Variants in CIMIP4 observed in about 807,000 individuals in gnomAD.
The protein encoded by CIMIP4 is ciliary microtubule inner protein 4.
At chr22:36,991,530 T>C in the CIMIP4 span, 4 of 1,614,192 alleles carry the variant, frequency 2.5e-6, no homozygotes, top group Non-Finnish European at 2.5e-6. Context: ...CCCTCACTGA[T>C]TTCTCAATGA....
the CIMIP4 span, among the ~76,000 whole-genome samples, chr22:37,000,516 G>C: frequency 6.6e-6 from 1 of 152,162 alleles, no homozygotes; most frequent in African/African-American, 2.4e-5. Context: ...AGGACACCTA[G>C]GTTTGAGTTC....
At chr22:37,003,982 C>T in the CIMIP4 span, 2 of 1,550,074 alleles carry the variant, frequency 1.3e-6, no homozygotes, top group Non-Finnish European at 1.7e-6. Flanking sequence ...CGTGGCCCAG[C>T]TCCATAGCCT....
chr22:37,005,101 A>G, the CIMIP4 span, among the ~76,000 whole-genome samples: 1 of 152,148 alleles, frequency 6.6e-6, no homozygotes, highest in African/African-American at 2.4e-5. Flanking sequence ...GGAGCAAGAA[A>G]CTGAGGGTGA....
chr22:36,997,445 C>A, the CIMIP4 span, among the ~76,000 whole-genome samples: 7 of 152,194 alleles, frequency 4.6e-5, no homozygotes, highest in Admixed American at 2.6e-4. Context: ...TTAGCATATT[C>A]TTTTCTCTCT....
At chr22:37,002,100 G>A in the CIMIP4 span, 1 of 1,573,790 alleles carries the variant, frequency 6.4e-7, no homozygotes. Context: ...GCAGCAGTCG[G>A]GGGTGGAGGG....
chr22:36,991,958 G>A, the CIMIP4 span, among the ~76,000 whole-genome samples: 2 of 152,142 alleles, frequency 1.3e-5, no homozygotes, highest in African/African-American at 2.4e-5. Flanking sequence ...ACATGCACAA[G>A]CAGATACGTT....
the CIMIP4 span, chr22:37,002,312 G>C: frequency 8.3e-7 from 1 of 1,211,410 alleles, no homozygotes; most frequent in Non-Finnish European, 1.0e-6. Flanking sequence ...ACCTGAGCAG[G>C]ACAAAGAGAA....
chr22:37,006,729 G>A, the CIMIP4 span, among the ~76,000 whole-genome samples: 1 of 152,192 alleles, frequency 6.6e-6, no homozygotes, highest in African/African-American at 2.4e-5. Context: ...GCAGAGAGTG[G>A]CAGGCAGTTG....
At chr22:36,999,599 A>AGGGGGGGGGG in the CIMIP4 span, among the ~76,000 whole-genome samples, 1 of 55,416 alleles carries the variant, frequency 1.8e-5, no homozygotes, top group Non-Finnish European at 3.4e-5. Context: ...ATGGGAGGGG[A>AGGGGGGGGGG]GGGACCAGAG....
the CIMIP4 span, among the ~76,000 whole-genome samples, chr22:36,997,802 T>C: frequency 7.9e-5 from 12 of 152,236 alleles, no homozygotes; most frequent in African/African-American, 2.9e-4. Context: ...CTGTTTCCTC[T>C]GATGTCTTCT....
the CIMIP4 span, among the ~76,000 whole-genome samples, chr22:36,993,743 G>A: frequency 2.6e-5 from 4 of 150,952 alleles, no homozygotes; most frequent in Non-Finnish European, 4.4e-5. Context: ...AAAAAGAAAA[G>A]AAAAGAAAAG....
the CIMIP4 span, among the ~76,000 whole-genome samples, chr22:36,994,058 T>C: frequency 6.6e-6 from 1 of 152,094 alleles, no homozygotes; most frequent in African/African-American, 2.4e-5. Context: ...ACAAAAACAA[T>C]TGCAATTCAT....
At chr22:36,996,380 G>A in the CIMIP4 span, among the ~76,000 whole-genome samples, 1,138 of 150,904 alleles carry the variant, frequency 7.5e-3, 16 homozygotes, top group African/African-American at 0.026. Flanking sequence ...TTGTGTATAC[G>A]GTATCAGCAG....
the CIMIP4 span, among the ~76,000 whole-genome samples, chr22:36,996,909 G>A: frequency 3.9e-5 from 6 of 152,176 alleles, no homozygotes; most frequent in African/African-American, 9.7e-5. Context: ...GCAGGTCACC[G>A]GGAGGAAAGA....
the CIMIP4 span, chr22:37,004,090 A>G: frequency 1.4e-6 from 2 of 1,436,590 alleles, no homozygotes; most frequent in Non-Finnish European, 1.9e-6. Context: ...AACAAGGATG[A>G]GCTGGGAGCT....
At chr22:37,000,412 T>C in the CIMIP4 span, among the ~76,000 whole-genome samples, 2 of 152,116 alleles carry the variant, frequency 1.3e-5, no homozygotes, top group Non-Finnish European at 2.9e-5. Context: ...ACAGGGCAGC[T>C]CTGGGTGGGT....
At chr22:36,999,395 G>A in the CIMIP4 span, among the ~76,000 whole-genome samples, 2 of 149,772 alleles carry the variant, frequency 1.3e-5, no homozygotes, top group Non-Finnish European at 3.0e-5. Flanking sequence ...GGGTAGCTGA[G>A]GTGGGAGGGT....
the CIMIP4 span, chr22:37,002,026 G>A: frequency 1.9e-6 from 3 of 1,612,182 alleles, no homozygotes; most frequent in African/African-American, 2.7e-5. Context: ...CTCTCGAGGA[G>A]GATCGAGAGC....
the CIMIP4 span, among the ~76,000 whole-genome samples, chr22:37,003,248 G>A: frequency 6.6e-6 from 1 of 152,232 alleles, no homozygotes; most frequent in African/African-American, 2.4e-5. Flanking sequence ...CCCTCTCAGA[G>A]CTGCTGCATC....
Sources: allele counts gnomAD v4.1 joint callset (sites outside exome capture counted in the v4.1 genomes callset), GRCh38; gene constraint gnomAD v4.1.1; transcripts MANE v1.5; gene names NCBI Gene and HGNC (gene_info 2026-07-23, HGNC 2026-07-21).